SENP7: variants seen among roughly 807,000 people sequenced by gnomAD.
SENP7 encodes sentrin-specific protease 7.
A neutral mutation model predicts 141.2 loss-of-function variants in SENP7; 64 were observed. That is an observed-to-expected ratio of 0.45 (90% CI 0.37 to 0.56). The LOEUF (loss-of-function observed/expected upper bound fraction) is 0.56. Among genes scored for constraint, SENP7 ranks in the 20% least tolerant of loss-of-function variants. The pLI is 0.00. For missense variants in SENP7, 1,025 were observed against 1,212.2 expected, an observed-to-expected ratio of 0.85 and a Z score of 2.29; for synonymous variants, 382 against 426.4, an observed-to-expected ratio of 0.90 and a Z score of 1.28.
intron 6 of SENP7, among the ~76,000 whole-genome samples, chr3:101,376,542 C>A (rs1036858524): frequency 2.6e-5 from 4 of 151,754 alleles, no homozygotes; most frequent in Admixed American, 1.3e-4. Context: ...CAGCAAAAAA[C>A]CAAACACCGC....
chr3:101,333,060 T>C, intron 17 of SENP7, 198 bp from the exon 18 acceptor site: 1 of 529,454 alleles, frequency 1.9e-6, no homozygotes, highest in African/African-American at 2.0e-5. Flanking sequence ...CTATAAACAA[T>C]AATGAAATGG....
chr3:101,464,780 A>C (rs1018143576), intron 3 of SENP7, among the ~76,000 whole-genome samples: 1 of 152,098 alleles, frequency 6.6e-6, no homozygotes, highest in Admixed American at 6.6e-5. Context: ...CCATAGAAAA[A>C]TTGTCTTCCA....
At chr3:101,501,928 C>A (rs531632707) in intron 1 of SENP7, among the ~76,000 whole-genome samples, 4 of 152,136 alleles carry the variant, frequency 2.6e-5, no homozygotes, top group Non-Finnish European at 5.9e-5. Flanking sequence ...AATCTGATAA[C>A]CAAATGGGGG....
chr3:101,415,764 C>T (rs2061599854), intron 5 of SENP7, among the ~76,000 whole-genome samples: 1 of 137,164 alleles, frequency 7.3e-6, no homozygotes, highest in African/African-American at 2.6e-5. Context: ...GCTTTTGCAA[C>T]ACAGTGTTCC....
intron 4 of SENP7, among the ~76,000 whole-genome samples, chr3:101,418,922 C>G (rs1334368207): frequency 1.3e-5 from 2 of 152,232 alleles, no homozygotes; most frequent in Non-Finnish European, 2.9e-5. Flanking sequence ...TCCAGCAAAA[C>G]AACGATGCTA....
At position 101,355,042 on chromosome 3, in the gene SENP7, T is replaced by C. The variant is rs368480084; in HGVS notation, c.1624-3391A>G. 3.6e-4 allele frequency among the ~76,000 whole-genome samples: 55 copies of C among 152,330 alleles called. 3 individuals are homozygous for C. Among genetic ancestry groups the C allele is most frequent in the East Asian group, 2.9e-3 (15 of 5,190 alleles). The stretch of plus-strand genomic sequence containing the variant: ...ATGTCTTTGGAAAAGTGTCTGCTCA[T>C]GTCCCTTGTCCACTTTTTCATAGGG... On this transcript the variant is annotated intron_variant, in intron 11 of 23. Coordinates refer to ENST00000394095, the MANE Select transcript of SENP7 (RefSeq NM_020654.5).
chr3:101,400,741 T>C (rs2061112634), intron 5 of SENP7, among the ~76,000 whole-genome samples: 1 of 149,516 alleles, frequency 6.7e-6, no homozygotes, highest in Non-Finnish European at 1.5e-5. Flanking sequence ...ATTCCAGCAC[T>C]ACCATGGCCT....
At chr3:101,457,377 A>C (rs1204725507) in intron 4 of SENP7, 1 of 1,447,656 alleles carries the variant, frequency 6.9e-7, no homozygotes, top group Non-Finnish European at 9.7e-7. Context: ...CAGTCTGCTT[A>C]AACTGTTCAG....
Position 101,398,984 on chromosome 3 carries a change from A to G in SENP7, c.554T>C (p.Val185Ala), listed in dbSNP as rs879435640. The G allele has an allele frequency of 6.2e-7, 1 of 1,613,798 alleles. No homozygotes were observed. The highest frequency in any genetic ancestry group is 8.5e-7 in the Non-Finnish European group (1 of 1,179,762). ...TGTATCACTCAAACTTCCCTCAGTTACAGGTGGGGTCCTTATGTATTTTCT... is the reference window on the plus strand; with the variant it reads ...TGTATCACTCAAACTTCCCTCAGTTGCAGGTGGGGTCCTTATGTATTTTCT... ...LGRKYIRTPP[V>A]TEGSLSDTDN... The change falls in exon 6 of 24, where the codon GTA (valine) becomes GCA (alanine). Residue 185 changes from valine to alanine, a missense_variant. Transcript: ENST00000394095.
chr3:101,324,628 T>A lies in SENP7; in HGVS notation c.*1315A>T, dbSNP rs2058855518. On this transcript the variant is annotated 3_prime_UTR_variant, in exon 24 of 24. Transcript: ENST00000394095. Reference sequence around the variant, plus strand: ...AACAAAAGCTAAGAATACTGAGGCTTAACTGACCCCGATTCGTATGATTTT... The same window carrying A: ...AACAAAAGCTAAGAATACTGAGGCTAAACTGACCCCGATTCGTATGATTTT... The A allele has an allele frequency of 3.3e-5, 5 of 152,040 alleles. No individual in the cohort carries two copies. The highest frequency in any genetic ancestry group is 3.3e-4 in the Admixed American group (5 of 15,212). The allele number at this position is 152,040 out of a possible 1,614,324, so 9.4% of individuals were successfully genotyped here. A position where few individuals can be genotyped will look rare whatever the true frequency, so the allele number is the denominator to read the frequency against.
At chr3:101,326,819 T>C (rs2058912802) in intron 23 of SENP7, among the ~76,000 whole-genome samples, 1 of 152,140 alleles carries the variant, frequency 6.6e-6, no homozygotes, top group Non-Finnish European at 1.5e-5. Flanking sequence ...TCCAGTAACA[T>C]GTAAATTATA....
chr3:101,456,836 A>T lies in SENP7; in HGVS notation c.284+2119T>A, dbSNP rs375761615. On this transcript the variant is annotated intron_variant, in intron 4 of 23. Transcript: ENST00000394095. The stretch of plus-strand genomic sequence containing the variant: ...GAGATGGTGTTTCGCCATGTTGCCT[A>T]AGCCGTACTTGAACTCCTGCACTCA... Among the ~76,000 whole-genome samples, 88 of 152,304 alleles carry T rather than the reference A, an allele frequency of 5.8e-4. 1 individual carries two copies. In the South Asian group the frequency reaches 0.017, roughly 30 times the overall value.
intron 6 of SENP7, among the ~76,000 whole-genome samples, chr3:101,386,624 C>T (rs1250524159): frequency 6.6e-6 from 1 of 152,168 alleles, no homozygotes; most frequent in East Asian, 1.9e-4. Context: ...TGGCTGGAAC[C>T]AGTAGTGTGG....
rs2060045136 is a variant in SENP7 at position 101,366,643 on chromosome 3, A to G, written c.1105T>C (p.Ser369Pro). Residue 369 changes from serine (S) to proline (P), a missense_variant, in exon 9 of 24, where the codon TCC (serine) becomes CCC (proline). By Grantham distance (74) the Ser-to-Pro change is moderately conservative. Around this residue, in one of 4 missense-constraint regions of SENP7, gnomAD observed 496 missense variants for 503.5 expected, o/e 0.99. Coordinates refer to ENST00000394095, the MANE Select transcript of SENP7 (RefSeq NM_020654.5). Reference protein sequence around the residue: ...KPTKSDFTKLSSLNSQELTLS... With the variant: ...KPTKSDFTKLPSLNSQELTLS... ...GTCAACTCCTGACTGTTAAGTGAGG[A>G]TAGTTTAGTAAAATCACTTTTTGTA... 1 of 1,613,794 alleles carries G rather than the reference A, an allele frequency of 6.2e-7. No individual in the cohort carries two copies. The highest frequency in any genetic ancestry group is 8.5e-7 in the Non-Finnish European group (1 of 1,179,832).
chr3:101,489,514 AT>A (rs1484409462), intron 3 of SENP7, among the ~76,000 whole-genome samples: 1 of 152,230 alleles, frequency 6.6e-6, no homozygotes, highest in Non-Finnish European at 1.5e-5. Flanking sequence ...CACTATTCTT[AT>A]ATCAGATAAA....
intron 14 of SENP7, among the ~76,000 whole-genome samples, chr3:101,342,365 G>C (rs1320690453): frequency 6.6e-6 from 1 of 152,138 alleles, no homozygotes; most frequent in Non-Finnish European, 1.5e-5. Context: ...CTATTTGGCA[G>C]AGATATACAA....
chr3:101,364,537 A>C (rs1308020452), intron 10 of SENP7, among the ~76,000 whole-genome samples: 1 of 152,218 alleles, frequency 6.6e-6, no homozygotes, highest in East Asian at 1.9e-4. Context: ...AATGTGTTTA[A>C]TTCTACAAAA....
rs1215422773 is a variant in SENP7, at chr3:101,327,836, A to T, written c.2865-20T>A. On this transcript the variant is annotated intron_variant, in intron 22 of 23. Coordinates refer to ENST00000394095, the MANE Select transcript of SENP7 (RefSeq NM_020654.5). ...AAATACCTGAAATAATCAACAAATA[A>T]GAGTGACTAAAGTAGAAATCTATTT... 6.5e-7 allele frequency: 1 copy of T among 1,546,784 alleles called. No individual in the cohort carries two copies. Among genetic ancestry groups the T allele is most frequent in the Admixed American group, 1.8e-5 (1 of 56,074 alleles).
At chr3:101,476,670 C>T (rs1488139180) in intron 3 of SENP7, among the ~76,000 whole-genome samples, 2 of 152,160 alleles carry the variant, frequency 1.3e-5, no homozygotes, top group African/African-American at 4.8e-5. Flanking sequence ...CTTGAGGAAT[C>T]GCCACACTGT....
Sources: gnomAD v4.1 joint callset for allele counts (sites outside exome capture counted in the v4.1 genomes callset) on GRCh38, gnomAD v4.1.1 for gene constraint, gnomAD v4.1.1 regional missense constraint, MANE v1.5 for transcripts, NCBI Gene and HGNC (gene_info 2026-07-23, HGNC 2026-07-21) for gene names.